OPCML: variants seen among roughly 807,000 people sequenced by gnomAD.
OPCML encodes the protein opioid-binding protein/cell adhesion molecule.
In OPCML, 13 loss-of-function variants were observed where a neutral mutation model predicts 37.8. That is an observed-to-expected ratio of 0.34 (90% CI 0.22 to 0.55). The LOEUF (loss-of-function observed/expected upper bound fraction) is 0.55. OPCML is among the 20% of genes least tolerant of loss of function. The pLI, the probability that OPCML is intolerant of heterozygous loss-of-function variation, is 0.91. For synonymous variants in OPCML, 176 were observed against 168.8 expected (o/e 1.04, Z -0.33); for missense variants, 341 against 435.6 (o/e 0.78, Z 1.93).
rs147700877 is a variant in OPCML at position 132,805,872 on chromosome 11, T to C, written c.146+137054A>G. The stretch of plus-strand genomic sequence containing the variant: ...TAAATATAAATGAGTATGTTTACTT[T>C]TCAAAATTTACTTTAAAAACTGCTA... On this transcript the variant is annotated intron_variant, in intron 2 of 7. Transcript: ENST00000524381. Among the ~76,000 whole-genome samples the C allele has an allele frequency of 4.3e-3, 657 of 152,308 alleles. 4 individuals are homozygous for C. The highest frequency in any genetic ancestry group is 0.015 in the African/African-American group (623 of 41,556).
intron 2 of OPCML, among the ~76,000 whole-genome samples, chr11:132,932,157 A>G (rs1397106753): frequency 6.6e-6 from 1 of 152,142 alleles, no homozygotes; most frequent in African/African-American, 2.4e-5. Flanking sequence ...GGGGGGAGGG[A>G]AGAATGGGGA....
At chr11:133,461,662 A>G (rs1010309354) in intron 1 of OPCML, among the ~76,000 whole-genome samples, 1 of 152,020 alleles carries the variant, frequency 6.6e-6, no homozygotes, top group Admixed American at 6.5e-5. Flanking sequence ...AAATGGAAAG[A>G]CAACCCATGT....
intron 1 of OPCML, among the ~76,000 whole-genome samples, chr11:133,244,106 G>C (rs1175039420): frequency 2.0e-5 from 3 of 152,196 alleles, no homozygotes; most frequent in African/African-American, 7.2e-5. Flanking sequence ...TTAGAGGATG[G>C]GGCAGGTGCA....
intron 2 of OPCML, among the ~76,000 whole-genome samples, chr11:132,837,420 G>A (rs996113492): frequency 9.9e-5 from 15 of 152,082 alleles, no homozygotes. Flanking sequence ...CTTATCCATG[G>A]ACCCATTGTG....
At chr11:132,643,041 G>A (rs1380378820) in intron 3 of OPCML, among the ~76,000 whole-genome samples, 3 of 152,150 alleles carry the variant, frequency 2.0e-5, no homozygotes, top group African/African-American at 4.8e-5. Flanking sequence ...TAGGGTGAGA[G>A]GCAGACACCT....
At chr11:133,528,924 T>C (rs1948545934) in intron 1 of OPCML, among the ~76,000 whole-genome samples, 2 of 152,152 alleles carry the variant, frequency 1.3e-5, no homozygotes, top group African/African-American at 4.8e-5. Flanking sequence ...AAAGAAGTCT[T>C]CCAAGTTAGC....
intron 1 of OPCML, among the ~76,000 whole-genome samples, chr11:133,149,159 T>A (rs1434637279): frequency 6.6e-6 from 1 of 152,206 alleles, no homozygotes; most frequent in East Asian, 1.9e-4. Context: ...CCTCTTCATC[T>A]CTGAAGGTCT....
chr11:132,719,821 G>T (rs1944617543), intron 2 of OPCML, among the ~76,000 whole-genome samples: 1 of 152,218 alleles, frequency 6.6e-6, no homozygotes, highest in East Asian at 1.9e-4. Flanking sequence ...GCCAGGTTCT[G>T]CCAGTTGCTG....
chr11:133,094,359 C>A (rs1455772770), intron 1 of OPCML, among the ~76,000 whole-genome samples: 1 of 152,144 alleles, frequency 6.6e-6, no homozygotes, highest in East Asian at 1.9e-4. Flanking sequence ...TACTAAAAAT[C>A]TGTCATACCA....
At position 133,290,671 on chromosome 11, in the gene OPCML, CA is replaced by C. The variant is rs376455288; in HGVS notation, c.61+241592del. On this transcript the variant is annotated intron_variant, in intron 1 of 7. Coordinates refer to ENST00000524381, the MANE Select transcript of OPCML (RefSeq NM_001012393.5). Reference sequence around the variant, plus strand: ...TCACCAGACAACAGAAGGAGGAGAGCAAAAAATAACAGCCACCCCAGAAGCC... The same window carrying C: ...TCACCAGACAACAGAAGGAGGAGAGCAAAAATAACAGCCACCCCAGAAGCC... Among the ~76,000 whole-genome samples the C allele has an allele frequency of 1.1e-3, 162 of 152,256 alleles. 1 individual carries two copies. The highest frequency in any genetic ancestry group is 3.7e-3 in the African/African-American group (152 of 41,562).
chr11:133,518,224 G>T (rs1217595585), intron 1 of OPCML, among the ~76,000 whole-genome samples: 1 of 150,710 alleles, frequency 6.6e-6, no homozygotes, highest in Non-Finnish European at 1.5e-5. Flanking sequence ...AGTGTGTGGG[G>T]GGGTGTGTTT....
intron 7 of OPCML, chr11:132,435,275 TA>T (rs1256381835): frequency 3.9e-6 from 5 of 1,287,284 alleles, no homozygotes; most frequent in Non-Finnish European, 5.1e-6. Flanking sequence ...GGACAAAGTT[TA>T]CTTAATGTCA....
intron 1 of OPCML, chr11:133,005,047 G>A: frequency 2.0e-6 from 2 of 985,244 alleles, no homozygotes; most frequent in Non-Finnish European, 2.4e-6. Context: ...TGAGAGCCTG[G>A]GAAGCTTTCA....
At chr11:133,376,069 A>T (rs1415628233) in intron 1 of OPCML, among the ~76,000 whole-genome samples, 2 of 151,118 alleles carry the variant, frequency 1.3e-5, no homozygotes, top group Non-Finnish European at 2.9e-5. Flanking sequence ...GAAAGAGAAT[A>T]ATCTGGATTT....
chr11:133,234,731 C>A (rs763932557), intron 1 of OPCML, among the ~76,000 whole-genome samples: 10 of 152,230 alleles, frequency 6.6e-5, no homozygotes, highest in Admixed American at 2.0e-4. Flanking sequence ...TCTAGCCTTT[C>A]TTCAGTGGTT....
intron 1 of OPCML, among the ~76,000 whole-genome samples, chr11:133,344,058 G>A (rs1015448519): frequency 2.6e-5 from 4 of 152,190 alleles, no homozygotes; most frequent in Non-Finnish European, 5.9e-5. Flanking sequence ...GACAAGGTGC[G>A]CTGCAGACTC....
intron 2 of OPCML, among the ~76,000 whole-genome samples, chr11:132,898,707 C>A (rs1365795026): frequency 1.3e-5 from 2 of 152,068 alleles, no homozygotes; most frequent in Non-Finnish European, 2.9e-5. Context: ...CCCTAGTGAC[C>A]CACTAGCAAA....
rs1950323696 is a variant in OPCML, at chr11:133,173,870, G to C, written c.62-230860C>G. Among the ~76,000 whole-genome samples, 1 of 152,128 alleles carries C rather than the reference G, an allele frequency of 6.6e-6. No individual in the cohort carries two copies. The highest frequency in any genetic ancestry group is 1.5e-5 in the Non-Finnish European group (1 of 68,022). ...AGGCAAATAATGAAGTTGATAAATGGGTCTGCACTCTGAGGGCTGGAATGA... is the reference window on the plus strand; with the variant it reads ...AGGCAAATAATGAAGTTGATAAATGCGTCTGCACTCTGAGGGCTGGAATGA... On this transcript the variant is annotated intron_variant, in intron 1 of 7. Transcript: ENST00000524381. The surrounding 1 kb of genome is among the most constrained non-coding windows in gnomAD (Gnocchi z 7.8).
At chr11:133,043,019 G>A (rs895848889) in intron 1 of OPCML, among the ~76,000 whole-genome samples, 2 of 152,172 alleles carry the variant, frequency 1.3e-5, no homozygotes, top group African/African-American at 2.4e-5. Flanking sequence ...GCAAGTCTCA[G>A]AGGCGACACT....
Sources: allele counts gnomAD v4.1 joint callset (sites outside exome capture counted in the v4.1 genomes callset), GRCh38; gene constraint gnomAD v4.1.1; non-coding constraint Gnocchi (gnomAD v3.1); transcripts MANE v1.5; gene names NCBI Gene and HGNC (gene_info 2026-07-23, HGNC 2026-07-21).